The following NLGN1 variants were observed in gnomAD, a reference collection of about 807,000 sequenced individuals.
NLGN1 encodes neuroligin 1, also known as neuroligin-1.
In NLGN1, 12 loss-of-function variants were observed where a neutral mutation model predicts 65.5. That is an observed-to-expected ratio of 0.18 (90% CI 0.12 to 0.30). NLGN1 has a LOEUF of 0.30. Among genes scored for constraint, NLGN1 ranks in the 10% least tolerant of loss-of-function variants. The pLI, the probability that NLGN1 is intolerant of heterozygous loss-of-function variation, is 1.00. For missense variants in NLGN1, 750 were observed against 1,007.1 expected, an observed-to-expected ratio of 0.74 and a Z score of 3.46; for synonymous variants, 350 against 359.5, an observed-to-expected ratio of 0.97 and a Z score of 0.30.
At chr3:173,491,609 T>C (rs77943096) in intron 2 of NLGN1, among the ~76,000 whole-genome samples, 1,996 of 151,908 alleles carry the variant, frequency 0.013, 89 homozygotes, top group African/African-American at 0.046. Flanking sequence ...GCTGGCCTCA[T>C]ATAAGCTTAC....
chr3:173,702,868 A>G (rs1034322708), intron 3 of NLGN1, among the ~76,000 whole-genome samples: 4 of 152,200 alleles, frequency 2.6e-5, no homozygotes. Context: ...CAGAAATAAA[A>G]TTAAAATGGT....
intron 2 of NLGN1, among the ~76,000 whole-genome samples, chr3:173,455,509 GTAA>G (rs1430607434): frequency 6.6e-6 from 1 of 152,036 alleles, no homozygotes; most frequent in African/African-American, 2.4e-5. Context: ...AGATACAATA[GTAA>G]TCAAAACATT....
chr3:173,774,536 A>G (rs1780024789), intron 3 of NLGN1, among the ~76,000 whole-genome samples: 2 of 152,158 alleles, frequency 1.3e-5, no homozygotes, highest in African/African-American at 2.4e-5. Context: ...ACTCCCTGCT[A>G]TCATACTCCA....
chr3:173,817,874 A>C (rs959498661), intron 4 of NLGN1, among the ~76,000 whole-genome samples: 2 of 152,122 alleles, frequency 1.3e-5, no homozygotes, highest in Admixed American at 1.3e-4. Flanking sequence ...GAATTTGAGA[A>C]AATGTGGTTT....
At chr3:173,400,968 G>T (rs1717569379) in intron 1 of NLGN1, among the ~76,000 whole-genome samples, 1 of 152,068 alleles carries the variant, frequency 6.6e-6, no homozygotes, top group African/African-American at 2.4e-5. Context: ...ATTTTATCAG[G>T]CTTCTTCTAT....
intron 4 of NLGN1, among the ~76,000 whole-genome samples, chr3:173,825,057 G>C (rs565080940): frequency 1.3e-5 from 2 of 152,120 alleles, no homozygotes; most frequent in South Asian, 4.1e-4. Flanking sequence ...TTCACAAATT[G>C]TGCCCAAGAG....
Position 173,669,381 on chromosome 3 carries a change from A to G in NLGN1, c.493+64290A>G, listed in dbSNP as rs535279581. Among the ~76,000 whole-genome samples the G allele has an allele frequency of 1.3e-3, 199 of 152,304 alleles. 1 individual carries two copies. Among genetic ancestry groups the G allele is most frequent in the Non-Finnish European group, 2.2e-3 (150 of 68,026 alleles). ...TGAAGTTAAGGTGTTTGGCAGGGCC[A>G]TGCTCCCTTTGAATGCACTAAGAAA... On this transcript the variant is annotated intron_variant, in intron 3 of 6. Transcript: ENST00000457714.
intron 4 of NLGN1, among the ~76,000 whole-genome samples, chr3:174,228,891 T>C (rs1196511372): frequency 6.6e-6 from 1 of 152,118 alleles, no homozygotes; most frequent in Non-Finnish European, 1.5e-5. Context: ...CATTGATTAC[T>C]TCCTGGAGAG....
At chr3:173,608,844 T>C (rs1230908257) in intron 3 of NLGN1, among the ~76,000 whole-genome samples, 1 of 151,926 alleles carries the variant, frequency 6.6e-6, no homozygotes, top group Non-Finnish European at 1.5e-5. Flanking sequence ...CTCACCTTAA[T>C]TGAATTGAAT....
At chr3:173,842,716 C>T (rs185822263) in intron 4 of NLGN1, among the ~76,000 whole-genome samples, 3 of 152,284 alleles carry the variant, frequency 2.0e-5, no homozygotes, top group East Asian at 3.9e-4. Flanking sequence ...CAGCTCCGCC[C>T]CTGTGACTTT....
chr3:173,719,465 T>C (rs1340538985), intron 3 of NLGN1, among the ~76,000 whole-genome samples: 1 of 152,164 alleles, frequency 6.6e-6, no homozygotes, highest in Admixed American at 6.5e-5. Flanking sequence ...CTAATCTGTG[T>C]AAAGGAATGA....
intron 2 of NLGN1, among the ~76,000 whole-genome samples, chr3:173,558,269 AC>A (rs1278556910): frequency 2.0e-5 from 3 of 151,956 alleles, no homozygotes; most frequent in African/African-American, 7.3e-5. Flanking sequence ...GGTTTTCATC[AC>A]TTTGAATATT....
intron 2 of NLGN1, among the ~76,000 whole-genome samples, chr3:173,513,740 G>C (rs934736981): frequency 4.6e-5 from 7 of 151,752 alleles, no homozygotes; most frequent in Non-Finnish European, 1.0e-4. Context: ...ATTAATATAT[G>C]TGTTGGCTGG....
rs76760539 is a variant in NLGN1 at position 173,511,821 on chromosome 3, A to T, written c.-321+76743A>T. On this transcript the variant is annotated intron_variant, in intron 2 of 6. Transcript: ENST00000457714. ...TCTTAGAATTTTCATCTCTCTGCTT[A>T]CATTATCCATCTGTATTTTTCAAGT... Among the ~76,000 whole-genome samples, 59 of 152,266 alleles carry T rather than the reference A, an allele frequency of 3.9e-4. 1 individual carries two copies. The East Asian group carries it at 0.011, about 27-fold the overall frequency.
intron 4 of NLGN1, among the ~76,000 whole-genome samples, chr3:174,182,497 A>T (rs1320476331): frequency 6.6e-6 from 1 of 152,154 alleles, no homozygotes; most frequent in African/African-American, 2.4e-5. Context: ...TACATGATGC[A>T]TGCAAGTCAC....
chr3:173,548,607 G>A (rs1277287657), intron 2 of NLGN1, among the ~76,000 whole-genome samples: 3 of 151,846 alleles, frequency 2.0e-5, no homozygotes, highest in African/African-American at 7.3e-5. Flanking sequence ...AATACAGTAT[G>A]TGATTTTAGT....
At chr3:174,037,143 T>C (rs1310865578) in intron 4 of NLGN1, among the ~76,000 whole-genome samples, 3 of 152,166 alleles carry the variant, frequency 2.0e-5, no homozygotes, top group Non-Finnish European at 4.4e-5. Flanking sequence ...ATTTGAGAGA[T>C]ATTTCTGTTT....
At chr3:174,096,711 T>A (rs1745600981) in intron 4 of NLGN1, among the ~76,000 whole-genome samples, 1 of 152,138 alleles carries the variant, frequency 6.6e-6, no homozygotes, top group Non-Finnish European at 1.5e-5. Flanking sequence ...CATTTAAGTT[T>A]TTATTAGATG....
intron 2 of NLGN1, among the ~76,000 whole-genome samples, chr3:173,543,654 A>G (rs930321653): frequency 6.6e-6 from 1 of 152,070 alleles, no homozygotes; most frequent in Non-Finnish European, 1.5e-5. Context: ...TAACCAAAGA[A>G]CCTTGGATTT....
Sources: allele counts gnomAD v4.1 joint callset (sites outside exome capture counted in the v4.1 genomes callset), GRCh38; gene constraint gnomAD v4.1.1; transcripts MANE v1.5; gene names NCBI Gene and HGNC (gene_info 2026-07-23, HGNC 2026-07-21).